The following GABRB1 variants were observed in gnomAD, a reference collection of about 807,000 sequenced individuals.
GABRB1 encodes gamma-aminobutyric acid type A receptor subunit beta1, also known as gamma-aminobutyric acid receptor subunit beta-1.
In GABRB1, 17 loss-of-function variants were observed where a neutral mutation model predicts 51.6. The observed-to-expected ratio is 0.33, with a 90% confidence interval of 0.23 to 0.49. The LOEUF (loss-of-function observed/expected upper bound fraction) is 0.49. Among genes scored for constraint, GABRB1 ranks in the 20% least tolerant of loss-of-function variants. The probability of loss-of-function intolerance (pLI) is 0.99; values close to 1 mark genes in which losing one functional copy is unlikely to be tolerated. For missense variants in GABRB1, 410 were observed against 600.6 expected (o/e 0.68, Z 3.32); for synonymous variants, 247 against 218.9 (o/e 1.13, Z -1.14).
At chr4:47,361,095 T>A (rs558913859) in intron 5 of GABRB1, among the ~76,000 whole-genome samples, 2 of 152,186 alleles carry the variant, frequency 1.3e-5, no homozygotes, top group African/African-American at 2.4e-5. Flanking sequence ...TGGCTCCAGG[T>A]AACCACCATA....
intron 4 of GABRB1, among the ~76,000 whole-genome samples, chr4:47,223,202 T>C (rs1720829071): frequency 6.6e-6 from 1 of 152,166 alleles, no homozygotes; most frequent in African/African-American, 2.4e-5. Context: ...AGTTTTTTAA[T>C]GTATTTTTTA....
chr4:47,161,148 A>G, intron 3 of GABRB1, 101 bp from the exon 4 acceptor site: 1 of 799,466 alleles, frequency 1.3e-6, no homozygotes, highest in Non-Finnish European at 2.0e-6. Flanking sequence ...ATTTTAATAT[A>G]TTCAAATGTA....
At chr4:47,077,418 C>T (rs1285475538) in intron 3 of GABRB1, among the ~76,000 whole-genome samples, 3 of 152,272 alleles carry the variant, frequency 2.0e-5, no homozygotes, top group African/African-American at 7.2e-5. Flanking sequence ...CATCTACCTG[C>T]AGCATAGTAG....
At chr4:47,027,238 T>A (rs1463215760), upstream of GABRB1, among the ~76,000 whole-genome samples, 1 of 151,568 alleles carries the variant, frequency 6.6e-6, no homozygotes, top group East Asian at 1.9e-4. Flanking sequence ...ATCCTTATTA[T>A]CACCACAATT....
intron 8 of GABRB1, among the ~76,000 whole-genome samples, chr4:47,415,679 G>A (rs1322414466): frequency 2.6e-5 from 4 of 152,158 alleles, no homozygotes; most frequent in African/African-American, 9.7e-5. Context: ...AGGTAGAATG[G>A]AATCAGACAG....
intron 5 of GABRB1, among the ~76,000 whole-genome samples, chr4:47,348,447 A>G (rs999525219): frequency 2.0e-5 from 3 of 152,188 alleles, no homozygotes; most frequent in African/African-American, 7.2e-5. Context: ...TATGCACAAA[A>G]TGATTTAAAA....
rs372201129 is a variant in GABRB1, at chr4:47,081,050, A to G, written c.240+48566A>G. On this transcript the variant is annotated intron_variant, in intron 3 of 8. Transcript: ENST00000295454. ...GAAGAGGGTTTAGCTTTAATCCTAT[A>G]TGATTATGTTTAACAATGAATAACG... Among the ~76,000 whole-genome samples the G allele has an allele frequency of 3.9e-5, 6 of 152,328 alleles. No homozygotes were observed. The South Asian group carries it at 8.3e-4, about 21-fold the overall frequency.
intron 4 of GABRB1, among the ~76,000 whole-genome samples, chr4:47,204,664 G>A (rs968253478): frequency 6.6e-6 from 1 of 152,034 alleles, no homozygotes; most frequent in Non-Finnish European, 1.5e-5. Context: ...ATAGTGAATG[G>A]GTATCATGTG....
intron 5 of GABRB1, among the ~76,000 whole-genome samples, chr4:47,360,255 A>G (rs1023575546): frequency 5.3e-5 from 8 of 152,084 alleles, no homozygotes; most frequent in Non-Finnish European, 8.8e-5. Flanking sequence ...TTTGAAGAAT[A>G]CAGAGAGTAG....
At chr4:47,360,371 C>G (rs1214972182) in intron 5 of GABRB1, among the ~76,000 whole-genome samples, 1 of 150,338 alleles carries the variant, frequency 6.7e-6, no homozygotes, top group Non-Finnish European at 1.5e-5. Context: ...TTTTTTTTCT[C>G]TCATTTTTTG....
chr4:47,298,842 T>A (rs1724123011), intron 4 of GABRB1, among the ~76,000 whole-genome samples: 2 of 151,830 alleles, frequency 1.3e-5, no homozygotes, highest in Non-Finnish European at 2.9e-5. Context: ...CAAACTATAC[T>A]ACAAGGCTAC....
rs146268088 is a variant in GABRB1 at position 47,040,586 on chromosome 4, C to T, written c.240+8102C>T. Among the ~76,000 whole-genome samples, 580 of 152,058 alleles carry T rather than the reference C, an allele frequency of 3.8e-3. 10 individuals are homozygous for T. Among genetic ancestry groups the T allele is most frequent in the East Asian group, 3.5e-3 (18 of 5,168 alleles). ...CCATCTCTTTCACTGCTGAAGTGGACACATTTTCAGGAAAAAAAATTAGAG... is the reference window on the plus strand; with the variant it reads ...CCATCTCTTTCACTGCTGAAGTGGATACATTTTCAGGAAAAAAAATTAGAG... On this transcript the variant is annotated intron_variant, in intron 3 of 8. Transcript: ENST00000295454.
At chr4:47,179,295 T>C (rs796696151) in intron 4 of GABRB1, among the ~76,000 whole-genome samples, 1 of 152,166 alleles carries the variant, frequency 6.6e-6, no homozygotes, top group Non-Finnish European at 1.5e-5. Flanking sequence ...GGACATGAAC[T>C]ATCCTTTTTA....
chr4:47,336,617 A>G (rs947595118), intron 5 of GABRB1, among the ~76,000 whole-genome samples: 1 of 152,196 alleles, frequency 6.6e-6, no homozygotes, highest in African/African-American at 2.4e-5. Context: ...AGAGAAGGGT[A>G]TGCTTGAAAT....
At chr4:47,249,564 A>G (rs970200262) in intron 4 of GABRB1, among the ~76,000 whole-genome samples, 6 of 151,834 alleles carry the variant, frequency 4.0e-5, no homozygotes, top group African/African-American at 1.2e-4. Flanking sequence ...TGTCTATCTC[A>G]TTTCTTAGGT....
intron 4 of GABRB1, among the ~76,000 whole-genome samples, chr4:47,259,471 C>T (rs1722340229): frequency 6.6e-6 from 1 of 152,112 alleles, no homozygotes; most frequent in Non-Finnish European, 1.5e-5. Flanking sequence ...GCAGGCAAGA[C>T]AGTGTTCAGT....
chr4:47,266,971 C>G (rs2109887311), intron 4 of GABRB1, among the ~76,000 whole-genome samples: 1 of 151,890 alleles, frequency 6.6e-6, no homozygotes, highest in South Asian at 2.1e-4. Context: ...TGGTGGATAA[C>G]AGTAAAAAAG....
At chr4:47,041,829 G>A (rs2109489406) in intron 3 of GABRB1, among the ~76,000 whole-genome samples, 1 of 152,140 alleles carries the variant, frequency 6.6e-6, no homozygotes, top group Non-Finnish European at 1.5e-5. Context: ...TCTCATGTCA[G>A]TGGCCATTAT....
intron 4 of GABRB1, among the ~76,000 whole-genome samples, chr4:47,253,626 A>G: frequency 6.6e-6 from 1 of 152,150 alleles, no homozygotes; most frequent in African/African-American, 2.4e-5. Context: ...ACTTTCTTTT[A>G]TTACAGTAAC....
Sources: allele counts gnomAD v4.1 joint callset (sites outside exome capture counted in the v4.1 genomes callset), GRCh38; gene constraint gnomAD v4.1.1; transcripts MANE v1.5; gene names NCBI Gene and HGNC (gene_info 2026-07-23, HGNC 2026-07-21).